HNRNPA3: variants seen among roughly 807,000 people sequenced by gnomAD.
HNRNPA3 encodes the protein epididymis secretory sperm binding protein.
Under a neutral mutation model 45.8 loss-of-function variants are expected in HNRNPA3, and 3 were observed. That is an observed-to-expected ratio of 0.07 (90% CI 0.03 to 0.17). The LOEUF is 0.17. Among genes scored for constraint, HNRNPA3 ranks in the 10% least tolerant of loss-of-function variants. The pLI is 1.00. For synonymous variants in HNRNPA3, 170 were observed against 155.6 expected, an observed-to-expected ratio of 1.09 and a Z score of -0.69; for missense variants, 183 against 480.3, an observed-to-expected ratio of 0.38 and a Z score of 5.79.
intron 1 of HNRNPA3, among the ~76,000 whole-genome samples, chr2:177,213,714 A>G (rs1688794727): frequency 6.6e-6 from 1 of 152,254 alleles, no homozygotes; most frequent in African/African-American, 2.4e-5. Flanking sequence ...GGGTGGGTGG[A>G]GAAGAATTTG....
exon 6 of HNRNPA3, chr2:177,216,739 A>C (rs1247822730): frequency 2.3e-5 from 37 of 1,614,078 alleles, no homozygotes; most frequent in Non-Finnish European, 3.1e-5. Flanking sequence ...GGTGGAGGTA[A>C]TTTTGGCCGT....
intron 1 of HNRNPA3, among the ~76,000 whole-genome samples, chr2:177,213,670 C>G (rs757915375): frequency 6.6e-6 from 1 of 152,090 alleles, no homozygotes; most frequent in Non-Finnish European, 1.5e-5. Flanking sequence ...AAAAACAACC[C>G]AGCCAGCTCC....
At chr2:177,216,296 G>A (rs552613999) in intron 4 of HNRNPA3, 108 bp downstream of exon 4, 11 of 787,962 alleles carry the variant, frequency 1.4e-5, no homozygotes, top group South Asian at 1.1e-4. Context: ...GGCATTTATA[G>A]TGTATAGTCA....
rs773885235 is a variant in HNRNPA3, at chr2:177,216,777, C to T, written c.739+6C>T. The T allele has an allele frequency of 3.7e-6, 6 of 1,614,008 alleles. No individual in the cohort carries two copies. The highest frequency in any genetic ancestry group is 5.1e-6 in the Non-Finnish European group (6 of 1,179,956). On this transcript the variant is annotated splice_donor_region_variant and intron_variant, in intron 6 of 10. Coordinates refer to ENST00000392524, the Ensembl canonical transcript of HNRNPA3. ...TGGAAACTTTGGTGGAAGAGGTAGG[C>T]TGTTTATCTTCTAAGTACATGGATA... is the stretch of plus-strand genomic sequence containing the variant.
chr2:177,217,615 A>C, intron 7 of HNRNPA3, 90 bp from the exon 8 acceptor site: 1 of 1,517,362 alleles, frequency 6.6e-7, no homozygotes, highest in South Asian at 1.1e-5. Context: ...CAACAGAGCA[A>C]GACCCAGTCT....
exon 9 of HNRNPA3, chr2:177,219,068 T>A: frequency 6.2e-7 from 1 of 1,613,982 alleles, no homozygotes; most frequent in South Asian, 1.1e-5. Flanking sequence ...ACTATAATGA[T>A]TTTGGAAATT....
rs530813010 is a variant in HNRNPA3, at chr2:177,219,220, C to T, written c.1085-27C>T. On this transcript the variant is annotated intron_variant, in intron 9 of 10. Coordinates refer to ENST00000392524, the Ensembl canonical transcript of HNRNPA3. ...TTTAATTTAAAAAATGTGCATACTT[C>T]TTTTAAAATACTATGTATATTTTCA... The T allele has an allele frequency of 5.6e-6, 9 of 1,611,436 alleles. No individual in the cohort carries two copies. The East Asian group carries it at 1.8e-4, about 32-fold the overall frequency.
chr2:177,216,793 T>G, intron 6 of HNRNPA3, 22 bp downstream of exon 6: 1 of 1,613,780 alleles, frequency 6.2e-7, no homozygotes. Flanking sequence ...ATCTTCTAAG[T>G]ACATGGATAC....
At chr2:177,217,109 T>G (rs1688975389) in intron 7 of HNRNPA3, among the ~76,000 whole-genome samples, 169 bp downstream of exon 7, 1 of 152,232 alleles carries the variant, frequency 6.6e-6, no homozygotes, top group Non-Finnish European at 1.5e-5. Flanking sequence ...TGGAGAGACA[T>G]TAGCTGCTCT....
intron 8 of HNRNPA3, 76 bp downstream of exon 8, chr2:177,217,921 G>T: frequency 7.4e-7 from 1 of 1,352,986 alleles, no homozygotes; most frequent in Non-Finnish European, 9.9e-7. Context: ...TATTTGGAAA[G>T]TGTTAAAAGC....
Position 177,217,695 on chromosome 2 carries a change from G to GT in HNRNPA3, c.821-3dup, listed in dbSNP as rs754028939. 1.4e-5 allele frequency: 22 copies of GT among 1,612,260 alleles called. No individual in the cohort carries two copies. Among genetic ancestry groups the GT allele is most frequent in the South Asian group, 3.3e-5 (3 of 91,000 alleles). On this transcript the variant is annotated splice_polypyrimidine_tract_variant and intron_variant, in intron 7 of 10. Transcript: ENST00000392524. ...TTTTTGTGTGGTCTTGTTATTTGTT[G>GT]TTTTTTTAGGTGGCAACTATGGCGG... is the stretch of plus-strand genomic sequence containing the variant.
chr2:177,218,052 CTTTTTTT>C lies in HNRNPA3; in HGVS notation c.961+228_961+234del, dbSNP rs58476089. The stretch of plus-strand genomic sequence containing the variant: ...ACAAATGTACTCAGCTCTCTTTTTT[CTTTTTTT>C]TTTTTTTTTTTTTTTTTTTTGAGAT... On this transcript the variant is annotated intron_variant, in intron 8 of 10. Transcript: ENST00000392524. 5.8e-4 allele frequency among the ~76,000 whole-genome samples: 59 copies of C among 102,166 alleles called. 1 individual carries two copies. The highest frequency in any genetic ancestry group is 8.3e-4 in the Admixed American group (8 of 9,606). 67.0% of individuals were successfully genotyped at this position (102,166 alleles called of 152,430 possible).
Position 177,219,030 on chromosome 2 carries a change from AT to A in HNRNPA3, c.962-4del. 6.2e-7 allele frequency: 1 copy of A among 1,612,710 alleles called. No homozygotes were observed. The highest frequency in any genetic ancestry group is 8.5e-7 in the Non-Finnish European group (1 of 1,179,754). On this transcript the variant is annotated splice_region_variant and splice_polypyrimidine_tract_variant and intron_variant, in intron 8 of 10. Transcript: ENST00000392524. ...GTAAACCACACATAAAACCTTTCTG[AT>A]TTCAGGTAACTATGGTGGTGGTGGG... is the stretch of plus-strand genomic sequence containing the variant.
rs1299608383 is a variant in HNRNPA3, at chr2:177,215,738, T to C, written c.196-12T>C. On this transcript the variant is annotated splice_polypyrimidine_tract_variant and intron_variant, in intron 2 of 10. Transcript: ENST00000392524. ...AGGTGTTTTCAACGTTATAAAACTT[T>C]TTATTTTGTAGGTAATGAGAGACCC... 8 of 1,610,694 alleles carry C rather than the reference T, an allele frequency of 5.0e-6. No individual in the cohort carries two copies. Among genetic ancestry groups the C allele is most frequent in the Non-Finnish European group, 6.8e-6 (8 of 1,178,950 alleles).
At chr2:177,219,206 AAAT>A in intron 9 of HNRNPA3, 38 bp from the exon 10 acceptor site, 1 of 1,610,532 alleles carries the variant, frequency 6.2e-7, no homozygotes, top group Non-Finnish European at 8.5e-7. Context: ...TTAATTTAAA[AAAT>A]GTGCATACTT....
intron 1 of HNRNPA3, among the ~76,000 whole-genome samples, chr2:177,213,608 A>G (rs1688787859): frequency 6.6e-6 from 1 of 152,252 alleles, no homozygotes; most frequent in African/African-American, 2.4e-5. Flanking sequence ...ACACTTCTTA[A>G]ACCGCCATGT....
At chr2:177,216,987 C>T (rs553620166) in intron 7 of HNRNPA3, 47 bp downstream of exon 7, 20 of 1,418,798 alleles carry the variant, frequency 1.4e-5, no homozygotes, top group Middle Eastern at 2.6e-4. Flanking sequence ...ACTTTCTTTA[C>T]TTATTGAAAA....
exon 8 of HNRNPA3, chr2:177,217,760 T>A: frequency 6.2e-7 from 1 of 1,613,170 alleles, no homozygotes; most frequent in Non-Finnish European, 8.5e-7. Flanking sequence ...ATGGTGGTGG[T>A]GGACCAGGAT....
chr2:177,223,821 AAG>A (rs958101200), downstream of HNRNPA3: 7 of 152,376 alleles, frequency 4.6e-5, no homozygotes, highest in South Asian at 2.1e-4. Flanking sequence ...TGTTTACAGA[AAG>A]ATAACTTTTT....
Sources: allele counts gnomAD v4.1 joint callset (sites outside exome capture counted in the v4.1 genomes callset), GRCh38; gene constraint gnomAD v4.1.1; transcripts MANE v1.5; gene names NCBI Gene and HGNC (gene_info 2026-07-23, HGNC 2026-07-21).